The following GEMIN2 variants were observed in gnomAD, a reference collection of about 807,000 sequenced individuals.
The protein encoded by GEMIN2 is gem nuclear organelle associated protein 2.
GEMIN2 carries 37 observed loss-of-function variants against 45.8 expected under a neutral mutation model. The observed-to-expected ratio is 0.81, with a 90% confidence interval of 0.62 to 1.06. The LOEUF (loss-of-function observed/expected upper bound fraction) is 1.06, where lower values mean the gene tolerates loss of function less well. GEMIN2 is among the 50% of genes least tolerant of loss of function. GEMIN2 has a pLI of 0.00. For missense variants in GEMIN2, 335 were observed against 321.8 expected (o/e 1.04, Z -0.31); for synonymous variants, 101 against 111.5 (o/e 0.91, Z 0.60).
chr14:39,133,026 G>GTA (rs755543423), intron 8 of GEMIN2, among the ~76,000 whole-genome samples: 29,849 of 132,122 alleles, frequency 0.23, 3,591 homozygotes, highest in Middle Eastern at 0.37. Context: ...GTGTGTGTGT[G>GTA]TATATATATA....
intron 3 of GEMIN2, among the ~76,000 whole-genome samples, 171 bp downstream of exon 3, chr14:39,118,259 TTTTG>T (rs1431963041): frequency 6.6e-6 from 1 of 152,222 alleles, no homozygotes; most frequent in African/African-American, 2.4e-5. Context: ...ATTTTCTAAG[TTTTG>T]TTTATTTTTA....
intron 6 of GEMIN2, among the ~76,000 whole-genome samples, chr14:39,127,899 C>G (rs1375734204): frequency 1.3e-5 from 2 of 151,848 alleles, no homozygotes; most frequent in African/African-American, 4.8e-5. Context: ...GAAACCCTGT[C>G]TCTACTAAAA....
rs778300526 is a variant in GEMIN2 at position 39,131,950 on chromosome 14, T to C, written c.601-8T>C. Reference sequence around the variant, plus strand: ...GTCTAAATATTAATTTTTTGAATTTTTTTTTAGGGAAGATGGCTTTATGCT... The same window carrying C: ...GTCTAAATATTAATTTTTTGAATTTCTTTTTAGGGAAGATGGCTTTATGCT... On this transcript the variant is annotated splice_region_variant and splice_polypyrimidine_tract_variant and intron_variant, in intron 7 of 9. Coordinates refer to ENST00000308317, the MANE Select transcript of GEMIN2 (RefSeq NM_003616.3). 287 of 1,454,470 alleles carry C rather than the reference T, an allele frequency of 2.0e-4. No homozygotes were observed. Among genetic ancestry groups the C allele is most frequent in the Non-Finnish European group, 2.6e-4 (272 of 1,042,242 alleles). 90.1% of individuals were successfully genotyped at this position (1,454,470 alleles called of 1,614,324 possible). A position where few individuals can be genotyped will look rare whatever the true frequency, so the allele number is the denominator to read the frequency against.
intron 4 of GEMIN2, among the ~76,000 whole-genome samples, chr14:39,118,813 T>C (rs1039015360): frequency 6.6e-6 from 1 of 151,078 alleles, no homozygotes; most frequent in Non-Finnish European, 1.5e-5. Context: ...GACAGGGTCT[T>C]GCTCTGTCTC....
intron 4 of GEMIN2, among the ~76,000 whole-genome samples, chr14:39,119,314 A>G (rs545836719): frequency 9.2e-5 from 14 of 152,178 alleles, no homozygotes; most frequent in Non-Finnish European, 1.9e-4. Flanking sequence ...GCTTAATGTG[A>G]TGAGTCTGTG....
At chr14:39,132,842 C>A (rs1044571184) in intron 8 of GEMIN2, among the ~76,000 whole-genome samples, 4 of 150,518 alleles carry the variant, frequency 2.7e-5, no homozygotes, top group Admixed American at 2.0e-4. Flanking sequence ...CCATGCCTGG[C>A]TAATTTTTGT....
intron 9 of GEMIN2, among the ~76,000 whole-genome samples, chr14:39,135,888 T>G (rs955223010): frequency 1.3e-5 from 2 of 152,204 alleles, no homozygotes; most frequent in Admixed American, 6.6e-5. Flanking sequence ...ATTGTATTAC[T>G]AATTTTTGTT....
chr14:39,114,766 TTTACTA>T, intron 1 of GEMIN2, 57 bp from the exon 2 acceptor site: 1 of 954,362 alleles, frequency 1.0e-6, no homozygotes, highest in Non-Finnish European at 1.7e-6. Flanking sequence ...GATCGCTTGT[TTTACTA>T]CACCTGAGCA....
chr14:39,123,708 ATTTTTTTTTT>A (rs1162485883), intron 5 of GEMIN2, among the ~76,000 whole-genome samples: 2 of 37,696 alleles, frequency 5.3e-5, no homozygotes, highest in Non-Finnish European at 8.6e-5. Context: ...ATATATATAT[ATTTTTTTTTT>A]TTTTTTTTTT....
chr14:39,131,544 T>C (rs78819294), intron 7 of GEMIN2, among the ~76,000 whole-genome samples: 2,326 of 152,332 alleles, frequency 0.015, 69 homozygotes, highest in African/African-American at 0.052. Flanking sequence ...TGTAGTATAG[T>C]TTCTTTGTAT....
chr14:39,132,073 G>A lies in GEMIN2; in HGVS notation c.711+5G>A, dbSNP rs773016498. On this transcript the variant is annotated splice_donor_5th_base_variant and intron_variant, in intron 8 of 9. Transcript: ENST00000308317. ...TCTGAAGTGAGGCTCTTAGTGGTAA[G>A]TTGCAACTTACTGTTTAAAATTAAA... 9 of 1,345,638 alleles carry A rather than the reference G, an allele frequency of 6.7e-6. No homozygotes were observed. The South Asian group carries it at 7.1e-5, about 11-fold the overall frequency. The allele number at this position is 1,345,638 out of a possible 1,614,324, so 83.4% of individuals were successfully genotyped here. A position where few individuals can be genotyped will look rare whatever the true frequency, so the allele number is the denominator to read the frequency against.
rs544293688 is a variant in GEMIN2, at chr14:39,135,561, G to A, written c.771-879G>A. Among the ~76,000 whole-genome samples the A allele has an allele frequency of 5.3e-5, 8 of 151,680 alleles. No homozygotes were observed. The East Asian group carries it at 9.7e-4, about 18-fold the overall frequency. On this transcript the variant is annotated intron_variant, in intron 9 of 9. Coordinates refer to ENST00000308317, the MANE Select transcript of GEMIN2 (RefSeq NM_003616.3). ...AGATCGTGCCATTGCACTCCAGCCT[G>A]GGCAACAAGAACGAAACTCCATCTC...
chr14:39,132,603 C>T (rs1189340152), intron 8 of GEMIN2, among the ~76,000 whole-genome samples: 1 of 148,226 alleles, frequency 6.7e-6, no homozygotes, highest in African/African-American at 2.5e-5. Flanking sequence ...TGAGTTTTGT[C>T]ATATGTGGCT....
chr14:39,122,945 G>A (rs887479229), intron 5 of GEMIN2, among the ~76,000 whole-genome samples: 1 of 152,046 alleles, frequency 6.6e-6, no homozygotes, highest in East Asian at 1.9e-4. Flanking sequence ...TTTAAATGAT[G>A]AGGCATCAGG....
At chr14:39,135,380 G>A (rs1213836151) in intron 9 of GEMIN2, among the ~76,000 whole-genome samples, 1 of 152,096 alleles carries the variant, frequency 6.6e-6, no homozygotes, top group African/African-American at 2.4e-5. Context: ...TAAGTCAGGA[G>A]TTCAAGACTA....
chr14:39,117,756 C>T (rs1373161507), intron 2 of GEMIN2, among the ~76,000 whole-genome samples: 1 of 152,142 alleles, frequency 6.6e-6, no homozygotes, highest in Non-Finnish European at 1.5e-5. Context: ...GAAACTCCAA[C>T]TATAAACCTT....
In GEMIN2 at chr14:39,124,996, GT is replaced by G; in HGVS notation, c.495del (p.Pro166LeufsTer10). The G allele has an allele frequency of 6.8e-7, 1 of 1,472,000 alleles. No homozygotes were observed. Among genetic ancestry groups the G allele is most frequent in the Non-Finnish European group, 9.5e-7 (1 of 1,053,774 alleles). The allele number at this position is 1,472,000 out of a possible 1,614,324, so 91.2% of individuals were successfully genotyped here. On this transcript the variant is annotated frameshift_variant, in exon 6 of 10. Transcript: ENST00000308317. LOFTEE classifies it high-confidence loss of function. ...ESPGIDYVQI[G>X]FPPLLSIVSR... Reference sequence around the variant, plus strand: ...CAGTCTCATTTTTTCTTTCAGATTGGTTTTCCTCCCTTGCTTAGTATTGTTA... The same window carrying G: ...CAGTCTCATTTTTTCTTTCAGATTGGTTTCCTCCCTTGCTTAGTATTGTTA...
chr14:39,134,516 C>A (rs1193661129), intron 9 of GEMIN2: 1 of 152,134 alleles, frequency 6.6e-6, no homozygotes, highest in Non-Finnish European at 1.5e-5. Flanking sequence ...TTGCCAGTAC[C>A]TTTTTAAAGC....
At position 39,136,655 on chromosome 14, in the gene GEMIN2, G is replaced by C. The variant is rs2052785869; in HGVS notation, c.*176G>C. On this transcript the variant is annotated 3_prime_UTR_variant, in exon 10 of 10. Transcript: ENST00000308317. ...AGAATATGGGTTGATTTGAATATCT[G>C]AAATATCAATGGAAAATCCCACTCA... 2.0e-6 allele frequency: 1 copy of C among 494,162 alleles called. No individual in the cohort carries two copies. Among genetic ancestry groups the C allele is most frequent in the Admixed American group, 3.7e-5 (1 of 26,784 alleles). The allele number at this position is 494,162 out of a possible 1,614,324, so 30.6% of individuals were successfully genotyped here. A position where few individuals can be genotyped will look rare whatever the true frequency, so the allele number is the denominator to read the frequency against.
Sources: gnomAD v4.1 joint callset for allele counts (sites outside exome capture counted in the v4.1 genomes callset) on GRCh38, gnomAD v4.1.1 for gene constraint, MANE v1.5 for transcripts, NCBI Gene and HGNC (gene_info 2026-07-23, HGNC 2026-07-21) for gene names.